SGPP1: variants seen among roughly 807,000 people sequenced by gnomAD.
SGPP1 encodes the protein hSPP1.
A neutral mutation model predicts 33.0 loss-of-function variants in SGPP1; 21 were observed. The ratio of observed to expected loss-of-function variants is 0.64; its 90% CI spans 0.45 to 0.92. The LOEUF is 0.92. Ranked by LOEUF, SGPP1 falls within the 40% of genes least tolerant of loss-of-function variation. The pLI is 0.00. For synonymous variants in SGPP1, 239 were observed against 241.2 expected, an observed-to-expected ratio of 0.99 and a Z score of 0.08; for missense variants, 543 against 589.4, an observed-to-expected ratio of 0.92 and a Z score of 0.81.
At chr14:63,711,074 C>T (rs904520038) in intron 1 of SGPP1, among the ~76,000 whole-genome samples, 3 of 148,806 alleles carry the variant, frequency 2.0e-5, no homozygotes, top group African/African-American at 5.0e-5. Flanking sequence ...AGTGCAATGG[C>T]GCGATCTTGG....
At chr14:63,703,249 C>T (rs1239514861) in intron 1 of SGPP1, among the ~76,000 whole-genome samples, 1 of 151,686 alleles carries the variant, frequency 6.6e-6, no homozygotes, top group Non-Finnish European at 1.5e-5. Flanking sequence ...AAAATAATTC[C>T]ACTTTCAGTA....
intron 1 of SGPP1, among the ~76,000 whole-genome samples, chr14:63,709,400 C>A (rs563077516): frequency 6.6e-6 from 1 of 151,006 alleles, no homozygotes; most frequent in Non-Finnish European, 1.5e-5. Context: ...ACCATTAATT[C>A]TATCCCTCTC....
intron 1 of SGPP1, among the ~76,000 whole-genome samples, chr14:63,717,204 A>C (rs1416715293): frequency 3.3e-5 from 5 of 151,932 alleles, no homozygotes; most frequent in African/African-American, 1.2e-4. Context: ...CCATAGCAAC[A>C]GAAACTGTAA....
chr14:63,713,863 G>T (rs1885570315), intron 1 of SGPP1, among the ~76,000 whole-genome samples: 1 of 152,178 alleles, frequency 6.6e-6, no homozygotes, highest in African/African-American at 2.4e-5. Context: ...CATTTTGGGT[G>T]TGTCTGTGAG....
intron 1 of SGPP1, among the ~76,000 whole-genome samples, chr14:63,726,629 T>C (rs1595075795): frequency 6.6e-6 from 1 of 152,332 alleles, no homozygotes; most frequent in East Asian, 1.9e-4. Context: ...TGTTAGATAC[T>C]ACAGATTAGT....
chr14:63,701,963 AG>A (rs1017556407), intron 1 of SGPP1, among the ~76,000 whole-genome samples: 3 of 151,234 alleles, frequency 2.0e-5, no homozygotes, highest in Non-Finnish European at 2.9e-5. Flanking sequence ...AAAAAAAAAA[AG>A]TCAACTTTAA....
Position 63,686,556 on chromosome 14 carries a change from G to A in SGPP1, c.875C>T (p.Pro292Leu). The A allele has an allele frequency of 6.2e-7, 1 of 1,614,054 alleles. No individual in the cohort carries two copies. The highest frequency in any genetic ancestry group is 2.2e-5 in the East Asian group (1 of 44,876). The change falls in exon 3 of 3, where the codon CCA becomes CTA. Residue 292 changes from proline to leucine, a missense_variant. Coordinates refer to ENST00000247225, the MANE Select transcript of SGPP1 (RefSeq NM_030791.4). ...TAAATGAAGCCCGATGATGATGAAT[G>A]GAGCATATTTGTGAGTTTGGTTGAA... is the stretch of plus-strand genomic sequence containing the variant. ...DNFNQTHKYA[P>L]FIIIGLHLAL...
At chr14:63,713,263 C>T (rs1020718091) in intron 1 of SGPP1, among the ~76,000 whole-genome samples, 1 of 152,186 alleles carries the variant, frequency 6.6e-6, no homozygotes, top group Non-Finnish European at 1.5e-5. Flanking sequence ...TTTCTATAAA[C>T]CAAACTACTA....
intron 2 of SGPP1, among the ~76,000 whole-genome samples, chr14:63,689,893 A>T (rs1885058125): frequency 6.6e-6 from 1 of 152,204 alleles, no homozygotes; most frequent in Non-Finnish European, 1.5e-5. Context: ...ACTTAACATT[A>T]AGATTCATTC....
intron 1 of SGPP1, among the ~76,000 whole-genome samples, chr14:63,705,234 T>C (rs1302001687): frequency 6.8e-6 from 1 of 147,998 alleles, no homozygotes; most frequent in Non-Finnish European, 1.5e-5. Context: ...GCAAATGATA[T>C]ATTTAATAAG....
At chr14:63,687,536 C>T (rs530019761) in intron 2 of SGPP1, among the ~76,000 whole-genome samples, 57 of 152,032 alleles carry the variant, frequency 3.7e-4, no homozygotes, top group African/African-American at 1.3e-3. Context: ...ATGAAGGACC[C>T]GATTAGAGTA....
At chr14:63,697,483 T>C (rs947432997) in intron 2 of SGPP1, among the ~76,000 whole-genome samples, 5 of 148,904 alleles carry the variant, frequency 3.4e-5, no homozygotes, top group Admixed American at 2.6e-4. Context: ...TTTATCTCCA[T>C]GATAATACAT....
At chr14:63,725,149 G>C (rs1046446741) in intron 1 of SGPP1, among the ~76,000 whole-genome samples, 1 of 152,196 alleles carries the variant, frequency 6.6e-6, no homozygotes, top group African/African-American at 2.4e-5. Context: ...GAGATGGGTG[G>C]ATCCCCTGAG....
chr14:63,688,980 CAA>C (rs1316289577), intron 2 of SGPP1, among the ~76,000 whole-genome samples: 1 of 152,138 alleles, frequency 6.6e-6, no homozygotes, highest in Non-Finnish European at 1.5e-5. Flanking sequence ...CTCAGTCTCC[CAA>C]AGTGCTGGGA....
At chr14:63,721,796 T>C (rs1212526967) in intron 1 of SGPP1, among the ~76,000 whole-genome samples, 2 of 152,228 alleles carry the variant, frequency 1.3e-5, no homozygotes, top group Non-Finnish European at 2.9e-5. Context: ...ATTTTTTATT[T>C]ATATTAGGTG....
intron 2 of SGPP1, among the ~76,000 whole-genome samples, chr14:63,689,463 T>C (rs1342173255): frequency 1.3e-5 from 2 of 152,016 alleles, no homozygotes; most frequent in African/African-American, 4.8e-5. Flanking sequence ...TAAATACCTA[T>C]TTTTTCAAAT....
At chr14:63,718,977 CATATAT>C (rs1221455081) in intron 1 of SGPP1, among the ~76,000 whole-genome samples, 1,441 of 26,914 alleles carry the variant, frequency 0.054, 60 homozygotes, top group African/African-American at 0.084. Flanking sequence ...TATGTATATA[CATATAT>C]ATATATATAT....
At chr14:63,687,400 A>G (rs527893841) in intron 2 of SGPP1, among the ~76,000 whole-genome samples, 49 of 152,326 alleles carry the variant, frequency 3.2e-4, no homozygotes, top group African/African-American at 1.2e-3. Flanking sequence ...AGATCATGCC[A>G]TTGCACTCCA....
chr14:63,725,097 G>T (rs528688798), intron 1 of SGPP1, among the ~76,000 whole-genome samples: 64 of 152,318 alleles, frequency 4.2e-4, no homozygotes, highest in Non-Finnish European at 6.8e-4. Flanking sequence ...CTTAGGCCAG[G>T]CGCAGTGGCT....
Sources: gnomAD v4.1 joint callset for allele counts (sites outside exome capture counted in the v4.1 genomes callset) on GRCh38, gnomAD v4.1.1 for gene constraint, MANE v1.5 for transcripts, NCBI Gene and HGNC (gene_info 2026-07-23, HGNC 2026-07-21) for gene names.